The following KGD4 variants were observed in gnomAD, a reference collection of about 807,000 sequenced individuals.
KGD4 encodes alpha-ketoglutarate dehydrogenase subunit 4, also known as alpha-ketoglutarate dehydrogenase component 4.
chr5:69,229,516 T>C, the KGD4 span: 1 of 263,156 alleles, frequency 3.8e-6, no homozygotes, highest in African/African-American at 2.2e-5. Context: ...GTTGAACTAT[T>C]AAAAGCACAC....
chr5:69,230,055 T>G, the KGD4 span: 1 of 151,954 alleles, frequency 6.6e-6, no homozygotes, highest in African/African-American at 2.4e-5. Context: ...ATTTACTTAT[T>G]AAGCAGTTTA....
chr5:69,224,799 G>A, the KGD4 span, among the ~76,000 whole-genome samples: 127 of 152,200 alleles, frequency 8.3e-4, no homozygotes, highest in Non-Finnish European at 1.3e-3. Context: ...TTTCTGCCGG[G>A]TGCGGTGGCT....
At chr5:69,217,771 G>A in the KGD4 span, 3 of 1,611,712 alleles carry the variant, frequency 1.9e-6, no homozygotes, top group East Asian at 4.5e-5. Flanking sequence ...CAGCTGCCCG[G>A]GACTCCAGTG....
chr5:69,218,755 G>T, the KGD4 span, among the ~76,000 whole-genome samples: 2 of 151,892 alleles, frequency 1.3e-5, no homozygotes, highest in Non-Finnish European at 2.9e-5. Context: ...AGTACATTCC[G>T]CTTTATATAA....
chr5:69,224,109 G>A, the KGD4 span, among the ~76,000 whole-genome samples: 1 of 151,902 alleles, frequency 6.6e-6, no homozygotes, highest in South Asian at 2.1e-4. Flanking sequence ...TTTTAATTTG[G>A]GCCGGGCATG....
the KGD4 span, among the ~76,000 whole-genome samples, chr5:69,218,352 GTAC>G: frequency 6.6e-6 from 1 of 152,264 alleles, no homozygotes; most frequent in Non-Finnish European, 1.5e-5. Flanking sequence ...CTGGCCCCGC[GTAC>G]TGCGTCCTCG....
chr5:69,228,320 T>C, the KGD4 span: 18 of 1,604,086 alleles, frequency 1.1e-5, no homozygotes, highest in South Asian at 2.1e-4. Flanking sequence ...ACTGCAGAAA[T>C]AATAAAAACA....
At chr5:69,228,463 T>G in the KGD4 span, 1 of 1,357,402 alleles carries the variant, frequency 7.4e-7, no homozygotes, top group African/African-American at 1.5e-5. Context: ...ATTTGCTGAT[T>G]TACATGCTAT....
chr5:69,228,196 TCAGTATCAGAAGC>T, the KGD4 span: 2 of 1,535,540 alleles, frequency 1.3e-6, no homozygotes, highest in South Asian at 1.3e-5. Context: ...TTTTTTAATT[TCAGTATCAGAAGC>T]TTTGAGATCA....
the KGD4 span, among the ~76,000 whole-genome samples, chr5:69,225,326 C>T: frequency 4.8e-5 from 7 of 145,638 alleles, no homozygotes; most frequent in East Asian, 1.5e-3. Flanking sequence ...TATGGTGGCA[C>T]TATCTCTGCT....
the KGD4 span, chr5:69,226,546 C>G: frequency 3.3e-6 from 2 of 604,946 alleles, no homozygotes; most frequent in Non-Finnish European, 5.6e-6. Flanking sequence ...ATGTAGCATG[C>G]AAGTAGAAAT....
At chr5:69,223,421 T>C in the KGD4 span, among the ~76,000 whole-genome samples, 3 of 151,564 alleles carry the variant, frequency 2.0e-5, no homozygotes, top group African/African-American at 7.3e-5. Context: ...GATTTTATGG[T>C]GAGGGAGAGA....
chr5:69,228,296 A>C, the KGD4 span: 2 of 1,609,438 alleles, frequency 1.2e-6, no homozygotes, highest in East Asian at 4.5e-5. Context: ...CTGATGTATC[A>C]GGGTCCACCA....
At chr5:69,223,562 T>A in the KGD4 span, among the ~76,000 whole-genome samples, 1 of 90,436 alleles carries the variant, frequency 1.1e-5, no homozygotes, top group Admixed American at 1.2e-4. Context: ...ATATTGCAGA[T>A]AAACCCACCT....
chr5:69,222,291 G>C, the KGD4 span, among the ~76,000 whole-genome samples: 12 of 152,136 alleles, frequency 7.9e-5, no homozygotes, highest in South Asian at 4.1e-4. Flanking sequence ...CATTTGAGCT[G>C]TTGTAAAGGA....
the KGD4 span, among the ~76,000 whole-genome samples, chr5:69,218,470 ATG>A: frequency 9.7e-3 from 1,445 of 148,620 alleles, 8 homozygotes; most frequent in African/African-American, 0.01. Flanking sequence ...GTGTATATTA[ATG>A]TGTGTGTGTG....
At chr5:69,229,078 T>C in the KGD4 span, 120 of 549,618 alleles carry the variant, frequency 2.2e-4, 1 homozygote, top group South Asian at 2.4e-3. Context: ...AAGTTTTGAC[T>C]AATTCAAAAC....
chr5:69,225,966 C>T, the KGD4 span, among the ~76,000 whole-genome samples: 1 of 152,154 alleles, frequency 6.6e-6, no homozygotes, highest in Non-Finnish European at 1.5e-5. Context: ...CCTGCACTCA[C>T]GCAATCTGCC....
chr5:69,229,010 A>T, the KGD4 span, among the ~76,000 whole-genome samples: 5 of 127,618 alleles, frequency 3.9e-5, no homozygotes, highest in African/African-American at 3.0e-5. Flanking sequence ...GAAACTCCGG[A>T]AACTCCATCT....
Sources: gnomAD v4.1 joint callset for allele counts (sites outside exome capture counted in the v4.1 genomes callset) on GRCh38, gnomAD v4.1.1 for gene constraint, MANE v1.5 for transcripts, NCBI Gene and HGNC (gene_info 2026-07-23, HGNC 2026-07-21) for gene names.